PID1: variants seen among roughly 807,000 people sequenced by gnomAD.
PID1 encodes the protein phosphotyrosine interaction domain containing 1, also known as PTB-containing, cubilin and LRP1-interacting protein.
A neutral mutation model predicts 19.1 loss-of-function variants in PID1; 10 were observed. The ratio of observed to expected loss-of-function variants is 0.52; its 90% CI spans 0.32 to 0.89. The LOEUF (loss-of-function observed/expected upper bound fraction) is 0.89, where lower values mean the gene tolerates loss of function less well. Ranked by LOEUF, PID1 falls within the 40% of genes least tolerant of loss-of-function variation. PID1 has a pLI of 0.03. For synonymous variants in PID1, 130 were observed against 116.0 expected (o/e 1.12, Z -0.78); for missense variants, 248 against 285.3 (o/e 0.87, Z 0.94).
chr2:229,054,422 C>T (rs932454672), intron 2 of PID1, among the ~76,000 whole-genome samples: 3 of 152,088 alleles, frequency 2.0e-5, no homozygotes, highest in Admixed American at 6.6e-5. Context: ...GAAGACTTTA[C>T]ACTAGGTAGA....
At position 229,126,986 on chromosome 2, in the gene PID1, C is replaced by T. The variant is rs72973219; in HGVS notation, c.177+28832G>A. Among the ~76,000 whole-genome samples, 324 of 152,324 alleles carry T rather than the reference C, an allele frequency of 2.1e-3. 2 individuals carry two copies. Among genetic ancestry groups the T allele is most frequent in the African/African-American group, 6.0e-3 (250 of 41,578 alleles). ...CAAGGCTTCTCCCAGTCTGTGGCTC[C>T]GCCATTCCCCAAGTCCTCAAAGCCC... On this transcript the variant is annotated intron_variant, in intron 2 of 2. Transcript: ENST00000392055.
intron 1 of PID1, 48 bp from the exon 2 acceptor site, chr2:229,156,012 T>C (rs373041207): frequency 1.3e-6 from 2 of 1,568,662 alleles, no homozygotes; most frequent in African/African-American, 1.4e-5. Context: ...ACTTGGACTT[T>C]TATGTCCTGC....
intron 2 of PID1, among the ~76,000 whole-genome samples, chr2:229,149,494 T>C (rs2106189313): frequency 6.6e-6 from 1 of 152,296 alleles, no homozygotes; most frequent in East Asian, 1.9e-4. Context: ...ATTTAAGGGT[T>C]ACCTGCAAAG....
chr2:229,064,288 A>C (rs1694275250), intron 2 of PID1, among the ~76,000 whole-genome samples: 1 of 152,102 alleles, frequency 6.6e-6, no homozygotes, highest in Admixed American at 6.6e-5. Flanking sequence ...AAAGAAAGTG[A>C]TGGGAAGTAA....
intron 2 of PID1, among the ~76,000 whole-genome samples, chr2:229,059,772 T>G (rs1384654021): frequency 1.3e-5 from 2 of 152,180 alleles, no homozygotes; most frequent in East Asian, 3.9e-4. Flanking sequence ...TACCTCACCT[T>G]GCGACATCCC....
At chr2:229,159,721 C>A (rs1690453998) in intron 1 of PID1, among the ~76,000 whole-genome samples, 1 of 152,168 alleles carries the variant, frequency 6.6e-6, no homozygotes, top group Admixed American at 6.5e-5. Flanking sequence ...AGGGCAACTT[C>A]TTTTTAATGG....
intron 1 of PID1, among the ~76,000 whole-genome samples, chr2:229,196,459 CAAAATT>C (rs1277693094): frequency 1.3e-5 from 2 of 151,666 alleles, no homozygotes; most frequent in African/African-American, 4.8e-5. Context: ...ATGGAGAAAA[CAAAATT>C]AAAAACAATT....
intron 1 of PID1, among the ~76,000 whole-genome samples, chr2:229,177,294 T>C (rs1032277305): frequency 6.6e-6 from 1 of 152,154 alleles, no homozygotes; most frequent in Non-Finnish European, 1.5e-5. Context: ...CATCTGTAGA[T>C]GGGGACGATT....
At position 229,234,602 on chromosome 2, in the gene PID1, T is replaced by A. The variant is rs192832074; in HGVS notation, c.30+36412A>T. Among the ~76,000 whole-genome samples the A allele has an allele frequency of 2.4e-4, 37 of 152,280 alleles. 1 individual carries two copies. The highest frequency in any genetic ancestry group is 9.6e-5 in the African/African-American group (4 of 41,558). ...AAATCAGTAAAATCATAAATCTGTATCATTTTAAGCCAATAAATGTGTGAT... is the reference window on the plus strand; with the variant it reads ...AAATCAGTAAAATCATAAATCTGTAACATTTTAAGCCAATAAATGTGTGAT... On this transcript the variant is annotated intron_variant, in intron 1 of 2. Transcript: ENST00000392055.
intron 2 of PID1, among the ~76,000 whole-genome samples, chr2:229,030,653 T>C (rs1164097345): frequency 1.3e-5 from 2 of 152,110 alleles, no homozygotes; most frequent in African/African-American, 4.8e-5. Flanking sequence ...AATTTAAAAA[T>C]ACTTCTAAAA....
chr2:229,251,570 C>T (rs563371460), intron 1 of PID1, among the ~76,000 whole-genome samples: 37 of 152,192 alleles, frequency 2.4e-4, no homozygotes, highest in Admixed American at 2.3e-3. Context: ...TAAATGTTAA[C>T]ACTTATGAAA....
chr2:229,180,584 CTG>C (rs1426246369), intron 1 of PID1, among the ~76,000 whole-genome samples: 1 of 152,190 alleles, frequency 6.6e-6, no homozygotes, highest in African/African-American at 2.4e-5. Flanking sequence ...ATCAGAATCT[CTG>C]GGGATGAGGC....
At position 229,139,126 on chromosome 2, in the gene PID1, AAAGAAAGAAAGAAAGAAAGAAAGC is replaced by A. The variant is rs1689952514; in HGVS notation, c.177+16668_177+16691del. ...AAGAAAGAAAGAAAGAGAAAGAAAGAAAGAAAGAAAGAAAGAAAGAAAGCAAGCGAGCGAGCAAGCGAGCTTCCC... is the reference window on the plus strand; with the variant it reads ...AAGAAAGAAAGAAAGAGAAAGAAAGAAAGCGAGCGAGCAAGCGAGCTTCCC... On this transcript the variant is annotated intron_variant, in intron 2 of 2. Transcript: ENST00000392055. 7.0e-5 allele frequency among the ~76,000 whole-genome samples: 8 copies of A among 115,068 alleles called. 1 individual carries two copies. Among genetic ancestry groups the A allele is most frequent in the African/African-American group, 2.6e-4 (8 of 30,712 alleles). The allele number at this position is 115,068 out of a possible 152,430, so 75.5% of individuals were successfully genotyped here.
intron 1 of PID1, among the ~76,000 whole-genome samples, chr2:229,252,185 A>G (rs1401894270): frequency 2.0e-5 from 3 of 152,202 alleles, no homozygotes; most frequent in African/African-American, 4.8e-5. Flanking sequence ...AGAGAGTTCA[A>G]AGAAATCAGG....
At chr2:229,240,253 G>A (rs1041541796) in intron 1 of PID1, among the ~76,000 whole-genome samples, 2 of 151,914 alleles carry the variant, frequency 1.3e-5, no homozygotes, top group African/African-American at 2.4e-5. Context: ...ATTTCCAGAC[G>A]TGTTTTACAA....
chr2:229,193,612 G>C (rs1231374139), intron 1 of PID1, among the ~76,000 whole-genome samples: 2 of 152,040 alleles, frequency 1.3e-5, no homozygotes, highest in Admixed American at 1.3e-4. Flanking sequence ...AAGTCCCTAA[G>C]ATATTACAGA....
chr2:229,052,187 T>C (rs1574587473), intron 2 of PID1, among the ~76,000 whole-genome samples: 2 of 152,300 alleles, frequency 1.3e-5, no homozygotes, highest in East Asian at 3.9e-4. Context: ...AAACATAATT[T>C]ATATGTGAAG....
At chr2:229,066,800 C>A (rs1694335753) in intron 2 of PID1, among the ~76,000 whole-genome samples, 1 of 151,926 alleles carries the variant, frequency 6.6e-6, no homozygotes. Flanking sequence ...CACAGCAAAC[C>A]AGCAGGTAAA....
intron 2 of PID1, among the ~76,000 whole-genome samples, chr2:229,069,143 T>TTTTTTGTGTGTGTG (rs369977117): frequency 1.3e-4 from 18 of 140,630 alleles, no homozygotes; most frequent in African/African-American, 4.5e-4. Context: ...AGAAGGGTTT[T>TTTTTTGTGTGTGTG]TGTGTGTGTG....
Sources: gnomAD v4.1 joint callset for allele counts (sites outside exome capture counted in the v4.1 genomes callset) on GRCh38, gnomAD v4.1.1 for gene constraint, MANE v1.5 for transcripts, NCBI Gene and HGNC (gene_info 2026-07-23, HGNC 2026-07-21) for gene names.